The following FAM193A variants were observed in gnomAD, a reference collection of about 807,000 sequenced individuals.
FAM193A encodes family with sequence similarity 193 member A.
A neutral mutation model predicts 126.5 loss-of-function variants in FAM193A; 22 were observed. That is an observed-to-expected ratio of 0.17 (90% confidence interval 0.12 to 0.25). FAM193A has a LOEUF of 0.25. Ranked by LOEUF, FAM193A falls within the 10% of genes least tolerant of loss-of-function variation. The pLI, the probability that FAM193A is intolerant of heterozygous loss-of-function variation, is 1.00. For missense variants in FAM193A, 1,675 were observed against 1,672.8 expected, an observed-to-expected ratio of 1.00 and a Z score of -0.02; for synonymous variants, 761 against 646.8, an observed-to-expected ratio of 1.18 and a Z score of -2.68.
chr4:2,693,540 A>G, intron 15 of FAM193A, 46 bp from the exon 16 acceptor site: 3 of 1,565,948 alleles, frequency 1.9e-6, no homozygotes, highest in Non-Finnish European at 2.6e-6. Flanking sequence ...AGGTTTGAAC[A>G]TTTTTGAAAC....
At chr4:2,603,701 T>C (rs544634881) in intron 2 of FAM193A, among the ~76,000 whole-genome samples, 60 of 152,048 alleles carry the variant, frequency 3.9e-4, no homozygotes, top group African/African-American at 5.5e-4. Context: ...CCTCGTGATC[T>C]GCCCACCTTG....
At chr4:2,600,999 A>G (rs1047302937) in intron 2 of FAM193A, among the ~76,000 whole-genome samples, 2 of 152,226 alleles carry the variant, frequency 1.3e-5, no homozygotes, top group African/African-American at 2.4e-5. Flanking sequence ...ACATGCCTGT[A>G]GTTGCGGCTA....
intron 4 of FAM193A, among the ~76,000 whole-genome samples, chr4:2,629,921 A>C (rs887487132): frequency 6.6e-6 from 1 of 152,216 alleles, no homozygotes; most frequent in Non-Finnish European, 1.5e-5. Context: ...TCACAAGGTC[A>C]GGAGATCGGG....
chr4:2,589,897 G>T (rs945700749), intron 1 of FAM193A, among the ~76,000 whole-genome samples: 10 of 152,146 alleles, frequency 6.6e-5, no homozygotes, highest in African/African-American at 2.4e-4. Context: ...AGCACTTTGG[G>T]AGGCCGAGGT....
intron 1 of FAM193A, among the ~76,000 whole-genome samples, chr4:2,573,031 TTA>T (rs1159400600): frequency 6.6e-6 from 1 of 152,112 alleles, no homozygotes; most frequent in African/African-American, 2.4e-5. Flanking sequence ...GTACATTTTG[TTA>T]TGTTTCTTTA....
At chr4:2,563,430 A>G (rs989383001) in intron 1 of FAM193A, among the ~76,000 whole-genome samples, 4 of 150,074 alleles carry the variant, frequency 2.7e-5, no homozygotes, top group African/African-American at 7.3e-5. Context: ...GAGACTGGGC[A>G]TGGTGGCTCC....
At chr4:2,648,392 CCT>C (rs1265250215) in intron 7 of FAM193A, among the ~76,000 whole-genome samples, 2 of 152,176 alleles carry the variant, frequency 1.3e-5, no homozygotes, top group African/African-American at 4.8e-5. Context: ...TGGGAGACTC[CCT>C]CTGTGTCCTG....
At chr4:2,581,114 G>A (rs1220937604) in intron 1 of FAM193A, among the ~76,000 whole-genome samples, 1 of 146,608 alleles carries the variant, frequency 6.8e-6, no homozygotes, top group Non-Finnish European at 1.5e-5. Context: ...GGGCGATAGA[G>A]CAAGACTCCG....
intron 1 of FAM193A, among the ~76,000 whole-genome samples, chr4:2,563,755 C>T (rs1018888094): frequency 2.6e-5 from 4 of 152,184 alleles, no homozygotes; most frequent in African/African-American, 7.2e-5. Flanking sequence ...TCTGGATTTA[C>T]ATCCACTTTT....
chr4:2,696,552 A>G lies in FAM193A; in HGVS notation c.3466A>G (p.Ser1156Gly). The G allele has an allele frequency of 6.2e-7, 1 of 1,614,248 alleles. No homozygotes were observed. Among genetic ancestry groups the G allele is most frequent in the Non-Finnish European group, 8.5e-7 (1 of 1,180,030 alleles). The change falls in exon 18 of 21, where the codon AGC (serine) becomes GGC (glycine). Residue 1156 changes from serine to glycine, a missense_variant. By Grantham distance (56) the Ser-to-Gly change is moderately conservative. Coordinates refer to ENST00000637812, the MANE Select transcript of FAM193A (RefSeq NM_001366318.2). Reference sequence around the variant, plus strand: ...TAGCTCCGAAACCAAACCAGTGAGCAGCACGCGTGCAGCGAAGCGAGCAAG... The same window carrying G: ...TAGCTCCGAAACCAAACCAGTGAGCGGCACGCGTGCAGCGAAGCGAGCAAG... Reference protein sequence around the residue: ...INSSETKPVSSTRAAKRARHK... With the variant: ...INSSETKPVSGTRAAKRARHK...
chr4:2,722,031 G>A lies in FAM193A; in HGVS notation c.4454+5927G>A, dbSNP rs376468442. Among the ~76,000 whole-genome samples the A allele has an allele frequency of 1.3e-4, 20 of 152,280 alleles. No individual in the cohort carries two copies. The South Asian group carries it at 3.7e-3, about 28-fold the overall frequency. ...ACAGCACAACCATACTAACATTTAG[G>A]ATGTCATAGAGAAGTCACGAAATTA... On this transcript the variant is annotated intron_variant, in intron 20 of 20. Coordinates refer to ENST00000637812, the MANE Select transcript of FAM193A (RefSeq NM_001366318.2).
intron 1 of FAM193A, among the ~76,000 whole-genome samples, chr4:2,587,196 T>TA (rs1740283564): frequency 6.6e-6 from 1 of 152,288 alleles, no homozygotes; most frequent in African/African-American, 2.4e-5. Context: ...TTTTTCCACT[T>TA]ACGGCACAAG....
At chr4:2,708,053 G>A (rs1577246963) in intron 19 of FAM193A, 1 of 369,730 alleles carries the variant, frequency 2.7e-6, no homozygotes, top group Admixed American at 2.8e-5. Context: ...CCCAGCCTCA[G>A]ATTGTATTTC....
At chr4:2,646,534 A>G (rs1425863849) in intron 6 of FAM193A, 151 bp from the exon 7 acceptor site, 2 of 747,868 alleles carry the variant, frequency 2.7e-6, no homozygotes, top group Non-Finnish European at 4.3e-6. Flanking sequence ...GATCCCTCAC[A>G]GCTCCCTGCT....
Position 2,695,894 on chromosome 4 carries a change from G to T in FAM193A, c.3277-469G>T, listed in dbSNP as rs1203342169. 2.0e-5 allele frequency among the ~76,000 whole-genome samples: 3 copies of T among 152,124 alleles called. No individual in the cohort carries two copies. The East Asian group carries it at 5.8e-4, about 29-fold the overall frequency. ...CAGCTTGGGCGACACAGGAGACCCT[G>T]TCTCTACAAAAGATAAAGAAAATTA... On this transcript the variant is annotated intron_variant, in intron 17 of 20. Coordinates refer to ENST00000637812, the MANE Select transcript of FAM193A (RefSeq NM_001366318.2).
chr4:2,628,280 C>T (rs1743181067), intron 4 of FAM193A, among the ~76,000 whole-genome samples: 1 of 152,116 alleles, frequency 6.6e-6, no homozygotes, highest in East Asian at 1.9e-4. Context: ...TTGAATTCAG[C>T]CAAGTATTTT....
At chr4:2,611,297 C>T (rs1374953787) in intron 2 of FAM193A, among the ~76,000 whole-genome samples, 1 of 151,266 alleles carries the variant, frequency 6.6e-6, no homozygotes, top group Non-Finnish European at 1.5e-5. Flanking sequence ...GAGACAGAGT[C>T]TCACTGTGTC....
At chr4:2,637,258 C>T (rs951408081) in intron 5 of FAM193A, among the ~76,000 whole-genome samples, 7 of 152,106 alleles carry the variant, frequency 4.6e-5, no homozygotes, top group Admixed American at 2.0e-4. Context: ...GCCTGGGAGG[C>T]GGAGGTTGCA....
At chr4:2,664,555 T>C (rs1712870648) in intron 12 of FAM193A, among the ~76,000 whole-genome samples, 2 of 134,426 alleles carry the variant, frequency 1.5e-5, no homozygotes, top group Admixed American at 7.5e-5. Flanking sequence ...CTCTATTTTC[T>C]TTCTTTTTTT....
Sources: gnomAD v4.1 joint callset for allele counts (sites outside exome capture counted in the v4.1 genomes callset) on GRCh38, gnomAD v4.1.1 for gene constraint, MANE v1.5 for transcripts, NCBI Gene and HGNC (gene_info 2026-07-23, HGNC 2026-07-21) for gene names.